The following GLG1 variants were observed in gnomAD, a reference collection of about 807,000 sequenced individuals.
GLG1 encodes golgi glycoprotein 1.
GLG1 carries 38 observed loss-of-function variants against 160.5 expected under a neutral mutation model. The ratio of observed to expected loss-of-function variants is 0.24; its 90% CI spans 0.18 to 0.31. The LOEUF is 0.31. Among genes scored for constraint, GLG1 ranks in the 10% least tolerant of loss-of-function variants. The pLI, the probability that GLG1 is intolerant of heterozygous loss-of-function variation, is 1.00. For missense variants in GLG1, 1,373 were observed against 1,505.2 expected (o/e 0.91, Z 1.45); for synonymous variants, 644 against 543.4 (o/e 1.19, Z -2.57).
At chr16:74,562,584 C>A (rs537022698) in intron 1 of GLG1, among the ~76,000 whole-genome samples, 2 of 152,288 alleles carry the variant, frequency 1.3e-5, no homozygotes, top group South Asian at 4.1e-4. Flanking sequence ...CTCAGCCTCC[C>A]AAGCAGCTGG....
intron 1 of GLG1, among the ~76,000 whole-genome samples, chr16:74,540,137 TA>T (rs57334441): frequency 0.93 from 1,138 of 1,218 alleles, 565 homozygotes; most frequent in Non-Finnish European, 1. Flanking sequence ...TTTATATATA[TA>T]ATATATTATA....
chr16:74,582,986 T>C (rs1805876671), intron 1 of GLG1, among the ~76,000 whole-genome samples: 1 of 152,184 alleles, frequency 6.6e-6, no homozygotes, highest in African/African-American at 2.4e-5. Flanking sequence ...TACTACCTTT[T>C]AAATTTCTCT....
intron 4 of GLG1, among the ~76,000 whole-genome samples, chr16:74,499,220 TTTG>T (rs146497202): frequency 0.67 from 101,197 of 151,402 alleles, 34,013 homozygotes; most frequent in East Asian, 0.77. Context: ...CTAAAACTTG[TTTG>T]TTGTTGTTGT....
intron 25 of GLG1, among the ~76,000 whole-genome samples, chr16:74,456,143 T>G (rs1178483822): frequency 6.6e-6 from 1 of 152,206 alleles, no homozygotes; most frequent in Non-Finnish European, 1.5e-5. Context: ...TAGGCGAGGC[T>G]GGATTTCTTT....
At chr16:74,487,792 G>A (rs1163473520) in intron 8 of GLG1, among the ~76,000 whole-genome samples, 5 of 152,154 alleles carry the variant, frequency 3.3e-5, no homozygotes, top group African/African-American at 7.2e-5. Flanking sequence ...ATTTACAGGC[G>A]AAAATGAATG....
intron 4 of GLG1, among the ~76,000 whole-genome samples, chr16:74,499,759 T>C (rs556299474): frequency 4.5e-4 from 69 of 152,264 alleles, no homozygotes; most frequent in African/African-American, 1.6e-3. Flanking sequence ...ATCCCAGCGC[T>C]TTGGGAGGCC....
intron 2 of GLG1, among the ~76,000 whole-genome samples, chr16:74,509,993 T>C (rs1449135179): frequency 6.6e-6 from 1 of 150,770 alleles, no homozygotes; most frequent in African/African-American, 2.4e-5. Context: ...AGCCTCTTGA[T>C]TCCCTTAAAA....
chr16:74,510,543 T>C (rs1452652602), intron 2 of GLG1, among the ~76,000 whole-genome samples: 1 of 152,200 alleles, frequency 6.6e-6, no homozygotes, highest in Non-Finnish European at 1.5e-5. Context: ...ATGTAGAACA[T>C]GAAGATGTAT....
At chr16:74,532,300 G>A (rs1415795589) in intron 1 of GLG1, 147 bp from the exon 2 acceptor site, 1 of 333,634 alleles carries the variant, frequency 3.0e-6, no homozygotes, top group Non-Finnish European at 5.5e-6. Flanking sequence ...TTCAACATAA[G>A]GAGTAAAATG....
chr16:74,469,457 T>A lies in GLG1; in HGVS notation c.2319-394A>T, dbSNP rs1051251652. 1.2e-4 allele frequency: 25 copies of A among 206,606 alleles called. 1 individual carries two copies. The highest frequency in any genetic ancestry group is 5.5e-4 in the African/African-American group (24 of 43,944). 12.8% of individuals were successfully genotyped at this position (206,606 alleles called of 1,614,324 possible). A position where few individuals can be genotyped will look rare whatever the true frequency, so the allele number is the denominator to read the frequency against. On this transcript the variant is annotated intron_variant, in intron 16 of 25. Transcript: ENST00000422840. ...ACCTGAGCAAATTGGGAATTTGGTT[T>A]GTATGAGGGCAAGTGTTCTAGAAAT...
At chr16:74,505,284 T>C (rs576302039) in intron 3 of GLG1, among the ~76,000 whole-genome samples, 4 of 152,238 alleles carry the variant, frequency 2.6e-5, no homozygotes, top group Admixed American at 6.5e-5. Flanking sequence ...GAAAAGAAAG[T>C]TGTGTTTACT....
chr16:74,526,090 A>G (rs2017324137), intron 2 of GLG1, among the ~76,000 whole-genome samples: 1 of 152,266 alleles, frequency 6.6e-6, no homozygotes, highest in Non-Finnish European at 1.5e-5. Flanking sequence ...TTTCCGAGAG[A>G]GAAGTATCAA....
chr16:74,570,515 T>C (rs554315998), intron 1 of GLG1, among the ~76,000 whole-genome samples: 8 of 68,608 alleles, frequency 1.2e-4, no homozygotes, highest in African/African-American at 5.8e-4. Context: ...TATACTGTGA[T>C]GGATTTTTTC....
chr16:74,461,162 G>C (rs927081967), intron 22 of GLG1, among the ~76,000 whole-genome samples: 1 of 151,216 alleles, frequency 6.6e-6, no homozygotes, highest in Non-Finnish European at 1.5e-5. Flanking sequence ...GGCCATTATA[G>C]AATTACTTTT....
At chr16:74,563,248 T>G (rs2018556301) in intron 1 of GLG1, 1 of 152,190 alleles carries the variant, frequency 6.6e-6, no homozygotes, top group Admixed American at 6.5e-5. Flanking sequence ...GGATGAAAGA[T>G]GACAGTCCAA....
At chr16:74,582,096 G>C (rs371056322) in intron 1 of GLG1, among the ~76,000 whole-genome samples, 2 of 152,146 alleles carry the variant, frequency 1.3e-5, no homozygotes, top group Middle Eastern at 3.4e-3. Context: ...CTTTAAAACA[G>C]ATTTTCCTAG....
chr16:74,508,936 G>A lies in GLG1; in HGVS notation c.472-11C>T, dbSNP rs1420423059. On this transcript the variant is annotated splice_polypyrimidine_tract_variant and intron_variant, in intron 2 of 25. Transcript: ENST00000422840. ...ATAATTCCACAACAACTAGATAGGA[G>A]AGGAAAAAAAAAAACAAAGAAAAAC... The A allele has an allele frequency of 4.5e-6, 5 of 1,116,878 alleles. No homozygotes were observed. Among genetic ancestry groups the A allele is most frequent in the Middle Eastern group, 2.0e-4 (1 of 4,928 alleles). 69.2% of individuals were successfully genotyped at this position (1,116,878 alleles called of 1,614,324 possible).
At chr16:74,474,734 C>CT in intron 12 of GLG1, 102 bp from the exon 13 acceptor site, 1 of 741,362 alleles carries the variant, frequency 1.3e-6, no homozygotes, top group Non-Finnish European at 2.5e-6. Context: ...AGTGGTCCTC[C>CT]TTTCTCTTCT....
intron 1 of GLG1, among the ~76,000 whole-genome samples, chr16:74,597,941 G>C (rs139812847): frequency 1.3e-5 from 2 of 151,652 alleles, no homozygotes; most frequent in Non-Finnish European, 2.9e-5. Context: ...GCTTGAACCC[G>C]GGAGCCAGAG....
Sources: allele counts gnomAD v4.1 joint callset (sites outside exome capture counted in the v4.1 genomes callset), GRCh38; gene constraint gnomAD v4.1.1; transcripts MANE v1.5; gene names NCBI Gene and HGNC (gene_info 2026-07-23, HGNC 2026-07-21).